ZFPM2: variants seen among roughly 807,000 people sequenced by gnomAD.
ZFPM2 encodes zinc finger protein, FOG family member 2.
Under a neutral mutation model 98.6 loss-of-function variants are expected in ZFPM2, and 20 were observed. The ratio of observed to expected loss-of-function variants is 0.20; its 90% CI spans 0.14 to 0.29. The LOEUF (loss-of-function observed/expected upper bound fraction) is 0.29, where lower values mean the gene tolerates loss of function less well. Among genes scored for constraint, ZFPM2 ranks in the 10% least tolerant of loss-of-function variants. The probability of loss-of-function intolerance (pLI) is 1.00; values close to 1 mark genes in which losing one functional copy is unlikely to be tolerated. For missense variants in ZFPM2, 1,310 were observed against 1,388.6 expected (o/e 0.94, Z 0.90); for synonymous variants, 518 against 502.7 (o/e 1.03, Z -0.41).
At chr8:105,654,368 G>A (rs1182890823) in intron 5 of ZFPM2, among the ~76,000 whole-genome samples, 2 of 152,048 alleles carry the variant, frequency 1.3e-5, no homozygotes, top group Admixed American at 6.6e-5. Context: ...ATCAGTGAAC[G>A]GACAGGAGTC....
At chr8:105,549,599 A>C (rs542458519) in intron 3 of ZFPM2, among the ~76,000 whole-genome samples, 2,461 of 77,758 alleles carry the variant, frequency 0.032, 74 homozygotes, top group African/African-American at 0.11. Context: ...TCCTTCCTCT[A>C]TCTCTCTCTC....
At chr8:105,710,666 TG>T (rs1563531553) in intron 5 of ZFPM2, among the ~76,000 whole-genome samples, 1 of 1,054 alleles carries the variant, frequency 9.5e-4, no homozygotes, top group East Asian at 0.071. Context: ...CACAAAATTG[TG>T]TGTGTGTGTG....
At chr8:105,415,007 G>C (rs1740893345) in intron 1 of ZFPM2, 1 of 151,632 alleles carries the variant, frequency 6.6e-6, no homozygotes, top group Admixed American at 6.6e-5. Context: ...GCATCGTCAG[G>C]TGTGGTGAAT....
chr8:105,492,381 A>G (rs79127267), intron 3 of ZFPM2, among the ~76,000 whole-genome samples: 5,445 of 152,292 alleles, frequency 0.036, 169 homozygotes, highest in South Asian at 0.16. Context: ...ATCCCAGATT[A>G]TCTCTAGTAC....
At chr8:105,393,337 C>CTTTCTTTCTTT (rs1554600680) in intron 1 of ZFPM2, among the ~76,000 whole-genome samples, 1,431 of 114,796 alleles carry the variant, frequency 0.012, 21 homozygotes, top group Middle Eastern at 0.033. Context: ...TCTCTCTTTG[C>CTTTCTTTCTTT]CTTTCTTTCT....
chr8:105,447,316 C>CAA (rs1020284993), intron 3 of ZFPM2, among the ~76,000 whole-genome samples: 1 of 134,282 alleles, frequency 7.4e-6, no homozygotes, highest in Non-Finnish European at 1.6e-5. Context: ...GGAAGTTTGG[C>CAA]AAAAAAAAAA....
intron 4 of ZFPM2, among the ~76,000 whole-genome samples, chr8:105,626,626 G>A (rs1816660833): frequency 1.3e-5 from 2 of 152,072 alleles, no homozygotes; most frequent in African/African-American, 2.4e-5. Flanking sequence ...ATGTGTATGT[G>A]TGTTTCTGGT....
chr8:105,698,720 A>G (rs1355181288), intron 5 of ZFPM2, among the ~76,000 whole-genome samples: 2 of 152,200 alleles, frequency 1.3e-5, no homozygotes, highest in African/African-American at 4.8e-5. Context: ...TATACATTAG[A>G]CAGTTCCCTG....
chr8:105,766,655 G>A (rs530780222), intron 5 of ZFPM2, among the ~76,000 whole-genome samples: 1 of 151,872 alleles, frequency 6.6e-6, no homozygotes, highest in South Asian at 2.1e-4. Flanking sequence ...TTTAGTGATT[G>A]ATTGGCTATG....
chr8:105,704,021 T>C (rs942603039), intron 5 of ZFPM2, among the ~76,000 whole-genome samples: 2 of 152,100 alleles, frequency 1.3e-5, no homozygotes, highest in African/African-American at 4.8e-5. Flanking sequence ...CTGAGTTCTC[T>C]CTCCTTTAGC....
rs182059030 is a variant in ZFPM2, at chr8:105,620,231, C to G, written c.421-14015C>G. Among the ~76,000 whole-genome samples, 221 of 152,182 alleles carry G rather than the reference C, an allele frequency of 1.5e-3. 1 individual carries two copies. The East Asian group carries it at 0.027, about 19-fold the overall frequency. ...TTTTTAATGATCACCATTCTAACTG[C>G]TGTGAGATGGTATCTCATTGTGGTT... is the stretch of plus-strand genomic sequence containing the variant. On this transcript the variant is annotated intron_variant, in intron 4 of 7. Coordinates refer to ENST00000407775, the MANE Select transcript of ZFPM2 (RefSeq NM_012082.4).
intron 3 of ZFPM2, among the ~76,000 whole-genome samples, chr8:105,462,874 C>T (rs916976906): frequency 1.4e-4 from 22 of 151,954 alleles, no homozygotes; most frequent in African/African-American, 4.8e-4. Context: ...GTCGTTTATT[C>T]GATTCAACGT....
Position 105,461,336 on chromosome 8 carries a change from G to A in ZFPM2, c.301+16955G>A, listed in dbSNP as rs1049033240. Among the ~76,000 whole-genome samples, 38 of 152,046 alleles carry A rather than the reference G, an allele frequency of 2.5e-4. 1 individual carries two copies. Among genetic ancestry groups the A allele is most frequent in the Admixed American group, 2.0e-3 (31 of 15,250 alleles). On this transcript the variant is annotated intron_variant, in intron 3 of 7. Transcript: ENST00000407775. The stretch of plus-strand genomic sequence containing the variant: ...AATGAAGATGGCATTATATTTAACC[G>A]TTATAAAAATGCATGAAATATTTCA...
intron 6 of ZFPM2, chr8:105,798,026 A>G (rs1208640947): frequency 6.6e-6 from 1 of 150,814 alleles, no homozygotes; most frequent in Admixed American, 6.6e-5. Flanking sequence ...TTACTGTGTT[A>G]AAAAAAAATG....
intron 4 of ZFPM2, among the ~76,000 whole-genome samples, chr8:105,577,049 A>G (rs1815483115): frequency 6.6e-6 from 1 of 152,132 alleles, no homozygotes; most frequent in African/African-American, 2.4e-5. Flanking sequence ...TGCTGAATCT[A>G]GTAGCAAGTA....
At chr8:105,705,789 G>A (rs1261978200) in intron 5 of ZFPM2, among the ~76,000 whole-genome samples, 4 of 152,130 alleles carry the variant, frequency 2.6e-5, no homozygotes, top group Non-Finnish European at 4.4e-5. Context: ...TGAAGGAATA[G>A]AAGAAGCGTC....
intron 3 of ZFPM2, among the ~76,000 whole-genome samples, chr8:105,457,603 A>G (rs751532474): frequency 6.6e-5 from 10 of 152,196 alleles, no homozygotes; most frequent in Non-Finnish European, 1.2e-4. Context: ...TAACACAGGA[A>G]ATAATGATCT....
chr8:105,558,940 C>A (rs1815064919), intron 3 of ZFPM2, among the ~76,000 whole-genome samples: 1 of 151,974 alleles, frequency 6.6e-6, no homozygotes, highest in Admixed American at 6.6e-5. Context: ...ATACTGAGAA[C>A]TCCTAGCCAA....
chr8:105,331,553 CA>C (rs1486612238), intron 1 of ZFPM2, among the ~76,000 whole-genome samples: 2 of 151,648 alleles, frequency 1.3e-5, no homozygotes, highest in Non-Finnish European at 3.0e-5. Context: ...GGAGGTGAAA[CA>C]GATGTTAACA....
Sources: gnomAD v4.1 joint callset for allele counts (sites outside exome capture counted in the v4.1 genomes callset) on GRCh38, gnomAD v4.1.1 for gene constraint, MANE v1.5 for transcripts, NCBI Gene and HGNC (gene_info 2026-07-23, HGNC 2026-07-21) for gene names.